The following KCNS3 variants were observed in gnomAD, a reference collection of about 807,000 sequenced individuals.
The protein encoded by KCNS3 is delayed-rectifier potassium channel regulatory subunit KCNS3.
KCNS3 carries 13 observed loss-of-function variants against 31.0 expected under a neutral mutation model. That is an observed-to-expected ratio of 0.42 (90% CI 0.27 to 0.67). KCNS3 has a LOEUF of 0.67. Among genes scored for constraint, KCNS3 ranks in the 30% least tolerant of loss-of-function variants. KCNS3 has a pLI of 0.25. For missense variants in KCNS3, 545 were observed against 622.4 expected, an observed-to-expected ratio of 0.88 and a Z score of 1.32; for synonymous variants, 238 against 241.5, an observed-to-expected ratio of 0.99 and a Z score of 0.13.
intron 2 of KCNS3, among the ~76,000 whole-genome samples, chr2:17,922,649 T>C (rs1402254242): frequency 1.3e-5 from 2 of 152,182 alleles, no homozygotes; most frequent in Non-Finnish European, 2.9e-5. Flanking sequence ...AATCCATTAA[T>C]AGTACCCATC....
upstream of KCNS3, among the ~76,000 whole-genome samples, chr2:17,878,511 G>T (rs1487338578): frequency 2.0e-5 from 3 of 151,350 alleles, no homozygotes; most frequent in Non-Finnish European, 3.0e-5. Flanking sequence ...CCGCGCCCTC[G>T]GCCCGGGGCG....
chr2:17,911,228 T>C (rs1359328818), intron 1 of KCNS3, among the ~76,000 whole-genome samples: 1 of 152,190 alleles, frequency 6.6e-6, no homozygotes, highest in African/African-American at 2.4e-5. Context: ...CCATTTACCC[T>C]CCTTTTTGTT....
chr2:17,884,412 T>C (rs1242295556), intron 1 of KCNS3, among the ~76,000 whole-genome samples: 2 of 150,722 alleles, frequency 1.3e-5, no homozygotes, highest in Non-Finnish European at 3.0e-5. Context: ...AGAAGGTGAG[T>C]GTCACAAGCC....
chr2:17,878,357 C>A (rs1332704865), upstream of KCNS3, among the ~76,000 whole-genome samples: 1 of 151,956 alleles, frequency 6.6e-6, no homozygotes, highest in Non-Finnish European at 1.5e-5. Flanking sequence ...GGGGCGCGCT[C>A]CTGGTCCCAC....
Position 17,932,200 on chromosome 2 carries a change from G to T in KCNS3, c.1192G>T (p.Val398Leu). The T allele has an allele frequency of 6.2e-7, 1 of 1,613,944 alleles. No homozygotes were observed. ...ATGCATCATCTGTGGCATCTTGGTG[G>T]TGGCCCTTCCCATCACCATCATCTT... ...STCIICGILV[V>L]ALPITIIFNK... The change falls in exon 3 of 3, where the codon GTG (valine) becomes TTG (leucine). Residue 398 changes from valine (V) to leucine (L), a missense_variant. Physicochemically the swap from Val to Leu is conservative, Grantham distance 32 (BLOSUM62 1). Transcript: ENST00000304101.
chr2:17,911,328 A>G (rs1662466727), intron 1 of KCNS3, among the ~76,000 whole-genome samples: 1 of 152,222 alleles, frequency 6.6e-6, no homozygotes, highest in Non-Finnish European at 1.5e-5. Flanking sequence ...TAAAGCAGCC[A>G]TGAATGAATA....
upstream of KCNS3, chr2:17,877,895 G>C (rs1258218710): frequency 6.6e-6 from 1 of 152,246 alleles, no homozygotes; most frequent in Non-Finnish European, 1.5e-5. Flanking sequence ...TGTCCTCGCC[G>C]AGGTCCTGGT....
At chr2:17,906,376 G>A (rs540321588) in intron 1 of KCNS3, among the ~76,000 whole-genome samples, 56 of 151,954 alleles carry the variant, frequency 3.7e-4, no homozygotes, top group African/African-American at 1.2e-3. Flanking sequence ...TCTTGCTAGC[G>A]GTCTATCTAT....
intron 2 of KCNS3, among the ~76,000 whole-genome samples, chr2:17,924,962 TG>T (rs1662801721): frequency 6.6e-6 from 1 of 152,236 alleles, no homozygotes; most frequent in African/African-American, 2.4e-5. Flanking sequence ...TATCTGTACA[TG>T]AGCTTTCCAT....
intron 2 of KCNS3, among the ~76,000 whole-genome samples, chr2:17,918,296 G>A (rs1466085434): frequency 6.6e-6 from 1 of 152,210 alleles, no homozygotes; most frequent in African/African-American, 2.4e-5. Flanking sequence ...TGGGCCAGAG[G>A]CACATCTTTG....
chr2:17,923,762 C>A (rs1256849606), intron 2 of KCNS3, among the ~76,000 whole-genome samples: 1 of 151,686 alleles, frequency 6.6e-6, no homozygotes, highest in Non-Finnish European at 1.5e-5. Context: ...TCTTGACACA[C>A]TTGTCAAAAA....
At chr2:17,921,958 T>TAG (rs1284771923) in intron 2 of KCNS3, among the ~76,000 whole-genome samples, 2 of 133,860 alleles carry the variant, frequency 1.5e-5, no homozygotes, top group Non-Finnish European at 3.2e-5. Flanking sequence ...TATATATATA[T>TAG]AAATACATAT....
At chr2:17,896,312 T>C (rs1296628769) in intron 1 of KCNS3, among the ~76,000 whole-genome samples, 1 of 152,046 alleles carries the variant, frequency 6.6e-6, no homozygotes, top group African/African-American at 2.4e-5. Context: ...TCAGCCCCCC[T>C]AAAGTGCTGG....
Position 17,932,582 on chromosome 2 carries a change from A to G in KCNS3, c.*98A>G. On this transcript the variant is annotated 3_prime_UTR_variant, in exon 3 of 3. Coordinates refer to ENST00000304101, the MANE Select transcript of KCNS3 (RefSeq NM_002252.5). ...GGTTCGTTAAAATCATTTAATTCTC[A>G]GGGTGTACCTTTCAGCCATAGTTGG... is the stretch of plus-strand genomic sequence containing the variant. 7.8e-7 allele frequency: 1 copy of G among 1,277,104 alleles called. No homozygotes were observed. Among genetic ancestry groups the G allele is most frequent in the Non-Finnish European group, 1.1e-6 (1 of 923,270 alleles). 79.1% of individuals were successfully genotyped at this position (1,277,104 alleles called of 1,614,324 possible). A position where few individuals can be genotyped will look rare whatever the true frequency, so the allele number is the denominator to read the frequency against.
At chr2:17,923,973 A>G (rs1259702802) in intron 2 of KCNS3, among the ~76,000 whole-genome samples, 1 of 152,042 alleles carries the variant, frequency 6.6e-6, no homozygotes, top group African/African-American at 2.4e-5. Flanking sequence ...ATTTAACAAT[A>G]ATAAATCTTT....
chr2:17,929,424 T>C (rs1662906714), intron 2 of KCNS3, among the ~76,000 whole-genome samples: 1 of 152,034 alleles, frequency 6.6e-6, no homozygotes, highest in Non-Finnish European at 1.5e-5. Flanking sequence ...TGCTACACGC[T>C]TTGAAAGAGC....
chr2:17,881,178 A>G (rs1674636043), intron 1 of KCNS3, among the ~76,000 whole-genome samples: 1 of 152,202 alleles, frequency 6.6e-6, no homozygotes, highest in Admixed American at 6.5e-5. Flanking sequence ...ATGTTGAGTC[A>G]GATGGGAGGC....
intron 2 of KCNS3, among the ~76,000 whole-genome samples, chr2:17,925,526 G>T (rs945468805): frequency 6.6e-6 from 1 of 152,126 alleles, no homozygotes; most frequent in African/African-American, 2.4e-5. Flanking sequence ...TCACAGTTCC[G>T]CAGGGCTAGG....
chr2:17,917,439 G>A (rs1324044578), intron 1 of KCNS3, among the ~76,000 whole-genome samples: 5 of 152,150 alleles, frequency 3.3e-5, no homozygotes, highest in Non-Finnish European at 5.9e-5. Flanking sequence ...GCCTCTGTCA[G>A]TAGAGGAATC....
Sources: gnomAD v4.1 joint callset for allele counts (sites outside exome capture counted in the v4.1 genomes callset) on GRCh38, gnomAD v4.1.1 for gene constraint, MANE v1.5 for transcripts, NCBI Gene and HGNC (gene_info 2026-07-23, HGNC 2026-07-21) for gene names.